Variants in NEGR1 observed in about 807,000 individuals in gnomAD.
The protein encoded by NEGR1 is neuronal growth regulator 1.
A neutral mutation model predicts 40.9 loss-of-function variants in NEGR1; 10 were observed. The ratio of observed to expected loss-of-function variants is 0.24; its 90% CI spans 0.15 to 0.42. The LOEUF is 0.42. Among genes scored for constraint, NEGR1 ranks in the 10% least tolerant of loss-of-function variants. The probability of loss-of-function intolerance (pLI) is 1.00; values close to 1 mark genes in which losing one functional copy is unlikely to be tolerated. For missense variants in NEGR1, 352 were observed against 438.9 expected (o/e 0.80, Z 1.77); for synonymous variants, 185 against 166.8 (o/e 1.11, Z -0.84).
In NEGR1 at chr1:71,483,319, G is replaced by A. The variant is rs550228709; in HGVS notation, c.941-75749C>T. On this transcript the variant is annotated intron_variant, in intron 6 of 6. Transcript: ENST00000357731. ...GACTGTTTTACTCTAAGTGAAAGGG[G>A]GAACATCTGGAGAGCTCTGAGGAAA... Among the ~76,000 whole-genome samples, 5 of 151,842 alleles carry A rather than the reference G, an allele frequency of 3.3e-5. No individual in the cohort carries two copies. The East Asian group carries it at 9.7e-4, about 30-fold the overall frequency.
intron 1 of NEGR1, among the ~76,000 whole-genome samples, chr1:72,213,589 G>T (rs1653689158): frequency 1.3e-5 from 2 of 151,922 alleles, no homozygotes; most frequent in Admixed American, 6.6e-5. Flanking sequence ...GGAGAAAGGG[G>T]ATATAAAAAG....
intron 2 of NEGR1, among the ~76,000 whole-genome samples, chr1:71,804,227 G>A (rs1321581759): frequency 6.6e-6 from 1 of 152,096 alleles, no homozygotes; most frequent in Non-Finnish European, 1.5e-5. Context: ...GTTTTTTCAT[G>A]TTTTATAAAG....
chr1:71,447,074 C>T (rs1349248780), intron 6 of NEGR1, among the ~76,000 whole-genome samples: 1 of 152,152 alleles, frequency 6.6e-6, no homozygotes, highest in Non-Finnish European at 1.5e-5. Flanking sequence ...GGACCCAGGC[C>T]ACACAGCAGG....
chr1:71,971,030 T>C (rs1646252056), intron 1 of NEGR1, among the ~76,000 whole-genome samples: 2 of 152,254 alleles, frequency 1.3e-5, no homozygotes, highest in African/African-American at 4.8e-5. Context: ...CATCCTGAAC[T>C]CAGAGTGCCC....
intron 3 of NEGR1, among the ~76,000 whole-genome samples, chr1:71,764,309 C>T (rs775300120): frequency 2.0e-5 from 3 of 152,104 alleles, no homozygotes; most frequent in Non-Finnish European, 4.4e-5. Context: ...TAGGTGAGTG[C>T]AAAAGTAATT....
At chr1:72,276,114 G>A (rs1262804161) in intron 1 of NEGR1, among the ~76,000 whole-genome samples, 4 of 151,862 alleles carry the variant, frequency 2.6e-5, no homozygotes, top group Non-Finnish European at 5.9e-5. Flanking sequence ...GAAAAGAAAA[G>A]AAAAGTGTAA....
At chr1:72,162,909 C>T (rs1277191316) in intron 1 of NEGR1, among the ~76,000 whole-genome samples, 1 of 152,032 alleles carries the variant, frequency 6.6e-6, no homozygotes, top group African/African-American at 2.4e-5. Flanking sequence ...AAATTATAAA[C>T]AGAAATTTCT....
At chr1:72,114,419 T>C (rs1649503061) in intron 1 of NEGR1, among the ~76,000 whole-genome samples, 1 of 151,674 alleles carries the variant, frequency 6.6e-6, no homozygotes, top group Non-Finnish European at 1.5e-5. Context: ...ATGAGCCAAT[T>C]CCTTAAAATA....
At chr1:71,898,390 C>T (rs1249242356) in intron 2 of NEGR1, among the ~76,000 whole-genome samples, 1 of 152,110 alleles carries the variant, frequency 6.6e-6, no homozygotes, top group Non-Finnish European at 1.5e-5. Flanking sequence ...CTGAGGCGGG[C>T]AGATCACGAG....
chr1:72,134,790 T>A (rs1650389770), intron 1 of NEGR1, among the ~76,000 whole-genome samples: 1 of 151,466 alleles, frequency 6.6e-6, no homozygotes, highest in South Asian at 2.1e-4. Flanking sequence ...CAGGATGGAG[T>A]GCAATGGCAC....
At chr1:71,899,986 T>C (rs1237005810) in intron 2 of NEGR1, among the ~76,000 whole-genome samples, 1 of 152,178 alleles carries the variant, frequency 6.6e-6, no homozygotes, top group Admixed American at 6.6e-5. Context: ...AAAACATGGC[T>C]AGTGAAGAGA....
At chr1:71,826,661 G>A (rs1195274815) in intron 2 of NEGR1, among the ~76,000 whole-genome samples, 3 of 151,628 alleles carry the variant, frequency 2.0e-5, no homozygotes, top group African/African-American at 7.3e-5. Context: ...TGTTTGCACT[G>A]ACTTGGTTTG....
At chr1:71,457,501 A>T (rs1646681818) in intron 6 of NEGR1, among the ~76,000 whole-genome samples, 1 of 152,160 alleles carries the variant, frequency 6.6e-6, no homozygotes, top group Admixed American at 6.5e-5. Context: ...GGGATTATGC[A>T]AGGTCCTAGG....
At position 71,935,280 on chromosome 1, in the gene NEGR1, C is replaced by T. The variant is rs145524630; in HGVS notation, c.208G>A (p.Ala70Thr). Residue 70 changes from alanine to threonine, a missense_variant, in exon 2 of 7, where the codon GCC becomes ACC. Physicochemically the swap from Ala to Thr is moderately conservative, Grantham distance 58. Around this residue, in one of 5 missense-constraint regions of NEGR1, gnomAD observed 30 missense variants for 64.4 expected, o/e 0.47. Coordinates refer to ENST00000357731, the MANE Select transcript of NEGR1 (RefSeq NM_173808.3). ...ATAATACTTGACCGGTTCAGCCAGGCACCCTTTGAAGCTCCATCTTCCAAA... is the reference window on the plus strand; with the variant it reads ...ATAATACTTGACCGGTTCAGCCAGGTACCCTTTGAAGCTCCATCTTCCAAA... ...CYLEDGASKG[A>T]WLNRSSIIFA... 1 of 1,613,708 alleles carries T rather than the reference C, an allele frequency of 6.2e-7. No individual in the cohort carries two copies. The highest frequency in any genetic ancestry group is 1.3e-5 in the African/African-American group (1 of 74,900).
chr1:72,103,118 C>T (rs1301532207), intron 1 of NEGR1, among the ~76,000 whole-genome samples: 2 of 151,950 alleles, frequency 1.3e-5, no homozygotes. Flanking sequence ...AAGTATACAA[C>T]ATCATACCAT....
At chr1:72,278,893 C>T (rs1049666916) in intron 1 of NEGR1, among the ~76,000 whole-genome samples, 1 of 152,002 alleles carries the variant, frequency 6.6e-6, no homozygotes, top group African/African-American at 2.4e-5. Context: ...GTATTTTAGA[C>T]ATCATATATT....
intron 1 of NEGR1, among the ~76,000 whole-genome samples, chr1:72,134,213 C>CTTT (rs538728682): frequency 7.3e-6 from 1 of 136,096 alleles, no homozygotes; most frequent in Non-Finnish European, 1.6e-5. Context: ...TTTTTTTTTT[C>CTTT]TTTTTTTTTT....
Position 71,762,774 on chromosome 1 carries a change from A to C in NEGR1, c.535+13398T>G, listed in dbSNP as rs192367865. Reference sequence around the variant, plus strand: ...CTCAAAGGACATTCTATAAATGACAAAATTACAGAATTGGAAAATAGAATG... The same window carrying C: ...CTCAAAGGACATTCTATAAATGACACAATTACAGAATTGGAAAATAGAATG... On this transcript the variant is annotated intron_variant, in intron 3 of 6. Coordinates refer to ENST00000357731, the MANE Select transcript of NEGR1 (RefSeq NM_173808.3). Among the ~76,000 whole-genome samples, 32 of 152,282 alleles carry C rather than the reference A, an allele frequency of 2.1e-4. No individual in the cohort carries two copies. In the East Asian group the frequency reaches 5.2e-3, roughly 25 times the overall value.
chr1:71,816,746 T>C (rs1239455254), intron 2 of NEGR1, among the ~76,000 whole-genome samples: 1 of 151,996 alleles, frequency 6.6e-6, no homozygotes, highest in Non-Finnish European at 1.5e-5. Flanking sequence ...TTCCCCAATC[T>C]ACCAATTAAT....
Sources: gnomAD v4.1 joint callset for allele counts (sites outside exome capture counted in the v4.1 genomes callset) on GRCh38, gnomAD v4.1.1 for gene constraint, gnomAD v4.1.1 regional missense constraint, MANE v1.5 for transcripts, NCBI Gene and HGNC (gene_info 2026-07-23, HGNC 2026-07-21) for gene names.